MIPOL1: variants seen among roughly 807,000 people sequenced by gnomAD.
MIPOL1 encodes mirror-image polydactyly 1.
A neutral mutation model predicts 60.9 loss-of-function variants in MIPOL1; 57 were observed. The observed-to-expected ratio is 0.94, with a 90% CI of 0.76 to 1.17. The LOEUF (loss-of-function observed/expected upper bound fraction) is 1.17. Ranked by LOEUF, MIPOL1 falls within the 50% of genes most tolerant of loss-of-function variation. MIPOL1 has a pLI of 0.00. For synonymous variants in MIPOL1, 179 were observed against 168.8 expected (o/e 1.06, Z -0.47); for missense variants, 551 against 511.6 (o/e 1.08, Z -0.74).
At chr14:37,433,544 A>T (rs1166120197) in intron 11 of MIPOL1, among the ~76,000 whole-genome samples, 1 of 152,028 alleles carries the variant, frequency 6.6e-6, no homozygotes, top group African/African-American at 2.4e-5. Context: ...TGCAAAGGAC[A>T]TGAACTCATT....
intron 3 of MIPOL1, among the ~76,000 whole-genome samples, chr14:37,250,394 A>G (rs1201472820): frequency 1.3e-5 from 2 of 152,042 alleles, no homozygotes; most frequent in Non-Finnish European, 2.9e-5. Context: ...CTAAAAATAC[A>G]CAAATTAGCT....
intron 9 of MIPOL1, among the ~76,000 whole-genome samples, chr14:37,362,927 C>G (rs1049661952): frequency 6.6e-6 from 1 of 152,132 alleles, no homozygotes; most frequent in Non-Finnish European, 1.5e-5. Flanking sequence ...GCATGTGTCA[C>G]GACATTCTTG....
intron 1 of MIPOL1, among the ~76,000 whole-genome samples, chr14:37,214,236 G>T (rs942880962): frequency 6.6e-6 from 1 of 152,106 alleles, no homozygotes; most frequent in East Asian, 1.9e-4. Flanking sequence ...AAGAATAAAT[G>T]ATAAACCAAC....
At chr14:37,440,740 G>A (rs2094229964) in intron 11 of MIPOL1, among the ~76,000 whole-genome samples, 1 of 152,016 alleles carries the variant, frequency 6.6e-6, no homozygotes, top group African/African-American at 2.4e-5. Context: ...AAACATACGA[G>A]TGCAATGTAA....
intron 11 of MIPOL1, among the ~76,000 whole-genome samples, chr14:37,482,148 G>T (rs994381557): frequency 1.7e-4 from 26 of 152,122 alleles, no homozygotes; most frequent in African/African-American, 6.0e-4. Flanking sequence ...ACAGCCTATG[G>T]ATTGGGAGAA....
intron 12 of MIPOL1, among the ~76,000 whole-genome samples, chr14:37,521,998 A>C (rs1428041787): frequency 3.3e-5 from 5 of 151,180 alleles, no homozygotes; most frequent in Non-Finnish European, 7.4e-5. Context: ...TAAATTACAA[A>C]ATTTTTACAT....
chr14:37,428,595 T>G (rs1345608419), intron 11 of MIPOL1, among the ~76,000 whole-genome samples: 4 of 152,032 alleles, frequency 2.6e-5, no homozygotes, highest in South Asian at 4.2e-4. Flanking sequence ...CTCCCCAGTT[T>G]TTTTCTTCTT....
chr14:37,238,536 G>T (rs1371562229), intron 1 of MIPOL1, among the ~76,000 whole-genome samples: 1 of 152,080 alleles, frequency 6.6e-6, no homozygotes, highest in Non-Finnish European at 1.5e-5. Flanking sequence ...TTTGAGAGAA[G>T]ATTTTCTTAA....
intron 4 of MIPOL1, among the ~76,000 whole-genome samples, chr14:37,268,210 T>C (rs551427127): frequency 4.6e-5 from 7 of 152,218 alleles, no homozygotes; most frequent in Non-Finnish European, 8.8e-5. Context: ...TAATAGATAG[T>C]AACATATAAT....
At chr14:37,545,884 A>T (rs770037475) in intron 12 of MIPOL1, 1 of 365,652 alleles carries the variant, frequency 2.7e-6, no homozygotes, top group Non-Finnish European at 4.9e-6. Flanking sequence ...ACTGTGAAGC[A>T]GACTAGACTG....
chr14:37,407,706 C>T (rs1032751151), intron 10 of MIPOL1, among the ~76,000 whole-genome samples: 4 of 151,990 alleles, frequency 2.6e-5, no homozygotes, highest in African/African-American at 4.8e-5. Context: ...TATTGTCACA[C>T]AGGTAATACT....
At chr14:37,424,624 G>C (rs796116234) in intron 11 of MIPOL1, among the ~76,000 whole-genome samples, 20 of 152,270 alleles carry the variant, frequency 1.3e-4, no homozygotes, top group African/African-American at 4.8e-4. Context: ...GCTGTCCTTG[G>C]AAACTAATGC....
intron 11 of MIPOL1, among the ~76,000 whole-genome samples, chr14:37,471,617 A>G (rs899311184): frequency 6.6e-6 from 1 of 152,132 alleles, no homozygotes; most frequent in Non-Finnish European, 1.5e-5. Context: ...CATTTGCCCT[A>G]TGATAAAGAC....
chr14:37,510,208 A>C (rs570117785), intron 12 of MIPOL1, among the ~76,000 whole-genome samples: 1 of 152,076 alleles, frequency 6.6e-6, no homozygotes, highest in Admixed American at 6.5e-5. Flanking sequence ...ATATATACAC[A>C]TACATATACG....
chr14:37,467,252 C>T (rs748351367), intron 11 of MIPOL1, among the ~76,000 whole-genome samples: 1 of 152,160 alleles, frequency 6.6e-6, no homozygotes, highest in Non-Finnish European at 1.5e-5. Context: ...TCAATTTTCA[C>T]ATATTGTACA....
At chr14:37,520,391 G>A (rs1198028355) in intron 12 of MIPOL1, among the ~76,000 whole-genome samples, 2 of 152,128 alleles carry the variant, frequency 1.3e-5, no homozygotes, top group African/African-American at 4.8e-5. Flanking sequence ...TTTAGTATCT[G>A]CCTAAAGCCC....
intron 12 of MIPOL1, among the ~76,000 whole-genome samples, chr14:37,509,007 C>T (rs1284931080): frequency 5.9e-5 from 9 of 152,064 alleles, no homozygotes; most frequent in Non-Finnish European, 1.2e-4. Context: ...ACTGTTCCTA[C>T]TCCATTTCTT....
At chr14:37,285,541 C>A in intron 7 of MIPOL1, 94 bp downstream of exon 7, 1 of 1,273,224 alleles carries the variant, frequency 7.9e-7, no homozygotes, top group Non-Finnish European at 1.1e-6. Context: ...GTGACTTATG[C>A]TTATGTGTTA....
At chr14:37,531,069 C>T (rs549707556) in intron 12 of MIPOL1, among the ~76,000 whole-genome samples, 3 of 152,242 alleles carry the variant, frequency 2.0e-5, no homozygotes, top group East Asian at 1.9e-4. Flanking sequence ...CCACCCACCT[C>T]GGCCCCACAA....
Sources: gnomAD v4.1 joint callset for allele counts (sites outside exome capture counted in the v4.1 genomes callset) on GRCh38, gnomAD v4.1.1 for gene constraint, MANE v1.5 for transcripts, NCBI Gene and HGNC (gene_info 2026-07-23, HGNC 2026-07-21) for gene names.